ST14: variants seen among roughly 807,000 people sequenced by gnomAD.
ST14 encodes the protein suppressor of tumorigenicity 14 protein.
In ST14, 40 loss-of-function variants were observed where a neutral mutation model predicts 96.5. The observed-to-expected ratio is 0.41, with a 90% CI of 0.32 to 0.54. The LOEUF (loss-of-function observed/expected upper bound fraction) is 0.54. Among genes scored for constraint, ST14 ranks in the 20% least tolerant of loss-of-function variants. The pLI, the probability that ST14 is intolerant of heterozygous loss-of-function variation, is 0.17. For missense variants in ST14, 1,066 were observed against 1,188.9 expected (o/e 0.90, Z 1.52); for synonymous variants, 506 against 492.1 (o/e 1.03, Z -0.37).
At chr11:130,205,567 G>A (rs1953476561) in intron 16 of ST14, among the ~76,000 whole-genome samples, 2 of 152,098 alleles carry the variant, frequency 1.3e-5, no homozygotes, top group Admixed American at 6.6e-5. Flanking sequence ...TTCCCACCAG[G>A]TGCCTCGGCC....
chr11:130,172,180 T>TCA (rs1258488309), intron 1 of ST14, among the ~76,000 whole-genome samples: 2 of 152,108 alleles, frequency 1.3e-5, no homozygotes, highest in East Asian at 3.9e-4. Flanking sequence ...AGTGGCGTGA[T>TCA]CACAGCTCAC....
rs759557921 is a variant in ST14, at chr11:130,208,622, C to A, written c.2207C>A (p.Ser736Tyr). The A allele has an allele frequency of 1.2e-6, 2 of 1,614,018 alleles. No homozygotes were observed. ...CGGCCCATCTGCCTGCCGGACGCCT[C>A]CCATGTCTTCCCTGCCGGCAAGGCC... ...MVRPICLPDA[S>Y]HVFPAGKAIW... The change falls in exon 17 of 19, where the codon TCC becomes TAC. Residue 736 changes from serine (S) to tyrosine (Y), a missense_variant. Transcript: ENST00000278742.
At chr11:130,182,486 C>A (rs568852784) in intron 1 of ST14, among the ~76,000 whole-genome samples, 1 of 151,730 alleles carries the variant, frequency 6.6e-6, no homozygotes, top group Admixed American at 6.6e-5. Flanking sequence ...CCATGTCTGG[C>A]TAGTTTTTTG....
chr11:130,186,046 G>T (rs745901080), intron 1 of ST14, among the ~76,000 whole-genome samples: 1 of 152,136 alleles, frequency 6.6e-6, no homozygotes, highest in South Asian at 2.1e-4. Context: ...GACCTCAGAT[G>T]ATCCACCTGC....
At chr11:130,185,868 C>T (rs683229) in intron 1 of ST14, among the ~76,000 whole-genome samples, 91,062 of 152,002 alleles carry the variant, frequency 0.6, 32,847 homozygotes, top group South Asian at 0.83. Context: ...AGTTCAGTGG[C>T]GCAATCTCAG....
At position 130,209,564 on chromosome 11, in the gene ST14, G is replaced by C; in HGVS notation, c.2392G>C (p.Val798Leu). Residue 798 changes from valine (V) to leucine (L), a missense_variant, in exon 18 of 19, where the codon GTG (valine) becomes CTG (leucine). Transcript: ENST00000278742. ...MMCVGFLSGG[V>L]DSCQGDSGGP... ...GTGCGTGGGCTTCCTCAGCGGCGGCGTGGACTCCTGCCAGGTGGCCCCCGG... is the reference window on the plus strand; with the variant it reads ...GTGCGTGGGCTTCCTCAGCGGCGGCCTGGACTCCTGCCAGGTGGCCCCCGG... The C allele has an allele frequency of 6.3e-7, 1 of 1,575,594 alleles. No homozygotes were observed. The highest frequency in any genetic ancestry group is 8.6e-7 in the Non-Finnish European group (1 of 1,161,006).
At position 130,188,992 on chromosome 11, in the gene ST14, G is replaced by C; in HGVS notation, c.440+53G>C. ...ATGCACCCCAGACTGGCTGGGAGTA[G>C]GATCGGGGTACAGTGTGTGGGGCAG... On this transcript the variant is annotated intron_variant, in intron 4 of 18. Coordinates refer to ENST00000278742, the MANE Select transcript of ST14 (RefSeq NM_021978.4). The surrounding 1 kb of genome is among the most constrained non-coding windows in gnomAD (Gnocchi z 5.4). 1 of 1,557,028 alleles carries C rather than the reference G, an allele frequency of 6.4e-7. No homozygotes were observed. The highest frequency in any genetic ancestry group is 1.3e-5 in the African/African-American group (1 of 74,320).
rs186462633 is a variant in ST14, at chr11:130,187,083, G to A, written c.82-1031G>A. Among the ~76,000 whole-genome samples the A allele has an allele frequency of 8.5e-5, 13 of 152,276 alleles. No homozygotes were observed. In the South Asian group the frequency reaches 2.3e-3, roughly 27 times the overall value. ...TTAAATTTACACTGTCGAATTACGA[G>A]ATCACCACCAGAAGAATGACATCAG... On this transcript the variant is annotated intron_variant, in intron 1 of 18. Coordinates refer to ENST00000278742, the MANE Select transcript of ST14 (RefSeq NM_021978.4). This position sits in a 1 kb window ranked among gnomAD's most constrained non-coding sequence, Gnocchi z 4.5.
chr11:130,182,221 TA>T (rs755384067), intron 1 of ST14, among the ~76,000 whole-genome samples: 174 of 152,372 alleles, frequency 1.1e-3, no homozygotes, highest in Middle Eastern at 3.4e-3. Context: ...GAAGATCCAG[TA>T]AGAAAATGGT....
rs1310541455 is a variant in ST14 at position 130,197,853 on chromosome 11, A to G, written c.1367A>G (p.Gln456Arg). ...CCTGTGCCCGCAGCATGCCCGGGGCAGTTCACGTGCCGCACGGGGCGGTGT... is the reference window on the plus strand; with the variant it reads ...CCTGTGCCCGCAGCATGCCCGGGGCGGTTCACGTGCCGCACGGGGCGGTGT... The part of the protein sequence containing the change: ...SYDSSDPCPG[Q>R]FTCRTGRCIR... The change falls in exon 12 of 19, where the codon CAG becomes CGG. Residue 456 changes from glutamine (Q) to arginine (R), a missense_variant. Transcript: ENST00000278742. 3 of 1,581,514 alleles carry G rather than the reference A, an allele frequency of 1.9e-6. No homozygotes were observed. The highest frequency in any genetic ancestry group is 1.3e-5 in the African/African-American group (1 of 74,548).
Position 130,188,403 on chromosome 11 carries a change from G to C in ST14, c.242-127G>C. ...TTGGCCTCTCTGGAACCCTGATGGG[G>C]AGTGATGGGAAGCAGTCAGGGCTGA... On this transcript the variant is annotated intron_variant, in intron 2 of 18. Coordinates refer to ENST00000278742, the MANE Select transcript of ST14 (RefSeq NM_021978.4). This position sits in a 1 kb window ranked among gnomAD's most constrained non-coding sequence, Gnocchi z 5.4. 6.3e-7 allele frequency: 1 copy of C among 1,587,628 alleles called. No individual in the cohort carries two copies.
rs1001005514 is a variant in ST14, at chr11:130,188,439, C to G, written c.242-91C>G. The stretch of plus-strand genomic sequence containing the variant: ...AGCAGTCAGGGCTGACCCATGGCCC[C>G]CTCCTGGCATTCATTCCCCATTGTG... On this transcript the variant is annotated intron_variant, in intron 2 of 18. Transcript: ENST00000278742. The surrounding 1 kb of genome is among the most constrained non-coding windows in gnomAD (Gnocchi z 5.4). 1.6e-5 allele frequency: 26 copies of G among 1,605,476 alleles called. No homozygotes were observed. The African/African-American group carries it at 2.9e-4, about 18-fold the overall frequency.
At position 130,198,594 on chromosome 11, in the gene ST14, G is replaced by A. The variant is rs769432323; in HGVS notation, c.1657G>A (p.Gly553Arg). Reference protein sequence around the residue: ...QCNGKDDCGDGSDEASCPKVN... With the variant: ...QCNGKDDCGDRSDEASCPKVN... ...CAATGGGAAGGACGACTGTGGGGAC[G>A]GGTCCGACGAGGCCTCCTGCCCCAA... Residue 553 changes from glycine (G) to arginine (R), a missense_variant, in exon 14 of 19, where the codon GGG becomes AGG. Coordinates refer to ENST00000278742, the MANE Select transcript of ST14 (RefSeq NM_021978.4). The A allele has an allele frequency of 3.1e-5, 50 of 1,613,838 alleles. No individual in the cohort carries two copies. The highest frequency in any genetic ancestry group is 1.0e-5 in the Non-Finnish European group (12 of 1,179,996).
chr11:130,209,325 G>A, intron 17 of ST14, 117 bp from the exon 18 acceptor site: 1 of 1,385,796 alleles, frequency 7.2e-7, no homozygotes, highest in Non-Finnish European at 9.9e-7. Flanking sequence ...CCGTTTGTCA[G>A]CCCCGGGCAT....
chr11:130,166,791 G>A (rs188719920), intron 1 of ST14, among the ~76,000 whole-genome samples: 9 of 152,298 alleles, frequency 5.9e-5, no homozygotes, highest in Admixed American at 2.0e-4. Context: ...AAGTGTGACT[G>A]CCCAAAGTCG....
At chr11:130,182,397 C>T (rs914810811) in intron 1 of ST14, among the ~76,000 whole-genome samples, 10 of 151,874 alleles carry the variant, frequency 6.6e-5, no homozygotes, top group African/African-American at 2.4e-4. Context: ...CTATGGCTCA[C>T]TGCAGCCTCA....
chr11:130,169,137 C>T (rs1344591886), intron 1 of ST14, among the ~76,000 whole-genome samples: 2 of 142,686 alleles, frequency 1.4e-5, no homozygotes, highest in Non-Finnish European at 3.0e-5. Context: ...TGCTCTGTCC[C>T]AGGCTGGAGT....
In ST14 at chr11:130,196,432, G is replaced by A. The variant is rs1404065456; in HGVS notation, c.1207G>A (p.Glu403Lys). The change falls in exon 10 of 19, where the codon GAG becomes AAG. Residue 403 changes from glutamate (E) to lysine (K), a missense_variant. Glu to Lys is a moderately conservative substitution (Grantham distance 56, BLOSUM62 1). Coordinates refer to ENST00000278742, the MANE Select transcript of ST14 (RefSeq NM_021978.4). ...PAGTCPKDYV[E>K]INGEKYCGER... Reference sequence around the variant, plus strand: ...GGGCACCTGCCCCAAGGACTACGTGGAGATCAACGGGGAGAAGTGAGTCCC... The same window carrying A: ...GGGCACCTGCCCCAAGGACTACGTGAAGATCAACGGGGAGAAGTGAGTCCC... 1 of 1,609,278 alleles carries A rather than the reference G, an allele frequency of 6.2e-7. No homozygotes were observed. The highest frequency in any genetic ancestry group is 2.2e-5 in the East Asian group (1 of 44,678).
intron 16 of ST14, among the ~76,000 whole-genome samples, chr11:130,206,341 T>C (rs1285185932): frequency 6.6e-6 from 1 of 152,140 alleles, no homozygotes; most frequent in Non-Finnish European, 1.5e-5. Context: ...TTCGCCATCA[T>C]AAAGGGGCTT....
Sources: allele counts gnomAD v4.1 joint callset (sites outside exome capture counted in the v4.1 genomes callset), GRCh38; gene constraint gnomAD v4.1.1; non-coding constraint Gnocchi (gnomAD v3.1); transcripts MANE v1.5; gene names NCBI Gene and HGNC (gene_info 2026-07-23, HGNC 2026-07-21).